HDAC9: variants seen among roughly 807,000 people sequenced by gnomAD.
HDAC9 encodes histone deacetylase 9.
In HDAC9, 41 loss-of-function variants were observed where a neutral mutation model predicts 139.4. The ratio of observed to expected loss-of-function variants is 0.29; its 90% CI spans 0.23 to 0.38. HDAC9 has a LOEUF of 0.38. Among genes scored for constraint, HDAC9 ranks in the 10% least tolerant of loss-of-function variants. The pLI, the probability that HDAC9 is intolerant of heterozygous loss-of-function variation, is 1.00. For synonymous variants in HDAC9, 517 were observed against 476.2 expected, an observed-to-expected ratio of 1.09 and a Z score of -1.12; for missense variants, 1,147 against 1,297.0, an observed-to-expected ratio of 0.88 and a Z score of 1.78.
chr7:18,954,428 T>C, intron 24 of HDAC9, 198 bp downstream of exon 24: 1 of 476,654 alleles, frequency 2.1e-6, no homozygotes, highest in Non-Finnish European at 3.6e-6. Context: ...ACTCTAGATT[T>C]AGAATCTTGT....
At chr7:18,237,220 T>C (rs1035285787) in intron 2 of HDAC9, among the ~76,000 whole-genome samples, 8 of 152,224 alleles carry the variant, frequency 5.3e-5, no homozygotes, top group Non-Finnish European at 1.2e-4. Context: ...TTTTTGTACA[T>C]GTAAGATTTG....
intron 8 of HDAC9, among the ~76,000 whole-genome samples, chr7:18,638,501 C>T (rs1027010939): frequency 1.3e-5 from 2 of 152,060 alleles, no homozygotes; most frequent in Non-Finnish European, 2.9e-5. Context: ...GCTACCTTGT[C>T]ATCATTGGTC....
chr7:18,545,168 G>C (rs1306358065), intron 2 of HDAC9, among the ~76,000 whole-genome samples: 1 of 152,180 alleles, frequency 6.6e-6, no homozygotes, highest in Non-Finnish European at 1.5e-5. Flanking sequence ...GGACATAGGA[G>C]TGCCGTAGGA....
chr7:18,644,547 G>A, intron 8 of HDAC9, 124 bp from the exon 9 acceptor site: 2 of 682,634 alleles, frequency 2.9e-6, no homozygotes, highest in East Asian at 3.2e-5. Context: ...GGATATAGAA[G>A]TCATAAAATA....
At chr7:18,835,212 C>T (rs1204623261) in intron 19 of HDAC9, among the ~76,000 whole-genome samples, 2 of 152,092 alleles carry the variant, frequency 1.3e-5, no homozygotes, top group Non-Finnish European at 2.9e-5. Flanking sequence ...CCAGGGCATG[C>T]TCGCTGTGGT....
upstream of HDAC9, among the ~76,000 whole-genome samples, chr7:18,493,892 G>A (rs1212538392): frequency 6.6e-6 from 1 of 151,846 alleles, no homozygotes; most frequent in Non-Finnish European, 1.5e-5. Flanking sequence ...TAGGCAACTC[G>A]CAGGTACCTT....
intron 3 of HDAC9, among the ~76,000 whole-genome samples, 158 bp from the exon 4 acceptor site, chr7:18,590,178 T>C (rs1464195399): frequency 6.6e-6 from 1 of 152,208 alleles, no homozygotes; most frequent in Non-Finnish European, 1.5e-5. Flanking sequence ...CTGCATTAGT[T>C]GCTTGTCCTT....
intron 24 of HDAC9, among the ~76,000 whole-genome samples, chr7:18,970,035 T>A (rs1453361831): frequency 6.6e-6 from 1 of 152,182 alleles, no homozygotes; most frequent in Non-Finnish European, 1.5e-5. Context: ...GTAGAGACTA[T>A]TTCTCAATGA....
At chr7:18,857,375 G>A (rs1797771314) in intron 21 of HDAC9, among the ~76,000 whole-genome samples, 1 of 150,668 alleles carries the variant, frequency 6.6e-6, no homozygotes, top group African/African-American at 2.4e-5. Flanking sequence ...ATGTATGTAT[G>A]TACTAGTTCC....
intron 22 of HDAC9, among the ~76,000 whole-genome samples, chr7:18,933,609 C>T (rs1255036837): frequency 6.7e-6 from 1 of 148,522 alleles, no homozygotes; most frequent in Non-Finnish European, 1.5e-5. Flanking sequence ...AATACAAGCT[C>T]AAAGTACTCC....
At chr7:18,585,155 G>T in intron 2 of HDAC9, 126 bp from the exon 3 acceptor site, 1 of 986,946 alleles carries the variant, frequency 1.0e-6, no homozygotes, top group Non-Finnish European at 1.5e-6. Flanking sequence ...GAAATGGCTA[G>T]AGTCATTGGC....
chr7:18,843,882 A>C (rs1796743206), intron 21 of HDAC9, among the ~76,000 whole-genome samples: 1 of 152,160 alleles, frequency 6.6e-6, no homozygotes, highest in Non-Finnish European at 1.5e-5. Context: ...TCCCACGTGG[A>C]GGAATCATAC....
intron 2 of HDAC9, among the ~76,000 whole-genome samples, chr7:18,541,436 C>T (rs1337950908): frequency 6.6e-6 from 1 of 152,146 alleles, no homozygotes; most frequent in Non-Finnish European, 1.5e-5. Flanking sequence ...AGTCCTTTCA[C>T]AAGGGGCTCC....
intron 16 of HDAC9, among the ~76,000 whole-genome samples, chr7:18,782,154 A>T (rs759913752): frequency 1.3e-5 from 2 of 152,096 alleles, no homozygotes; most frequent in African/African-American, 2.4e-5. Context: ...GCAAGACCTT[A>T]CTAAACTGCT....
At chr7:18,407,549 G>C (rs946190455) in intron 1 of HDAC9, among the ~76,000 whole-genome samples, 3 of 150,624 alleles carry the variant, frequency 2.0e-5, no homozygotes. Flanking sequence ...CACCAGGTAA[G>C]ATCTTGGATA....
chr7:18,223,623 T>A (rs1373888583), intron 2 of HDAC9, among the ~76,000 whole-genome samples: 5 of 152,158 alleles, frequency 3.3e-5, no homozygotes, highest in Non-Finnish European at 7.4e-5. Context: ...TCCTGTATTG[T>A]AGCCACTGTG....
At chr7:18,638,975 A>G (rs1784742847) in intron 8 of HDAC9, among the ~76,000 whole-genome samples, 1 of 152,008 alleles carries the variant, frequency 6.6e-6, no homozygotes, top group Non-Finnish European at 1.5e-5. Flanking sequence ...GGATATCAAC[A>G]CTATTACTTT....
intron 8 of HDAC9, among the ~76,000 whole-genome samples, chr7:18,640,992 T>C (rs145033680): frequency 6.6e-6 from 1 of 152,236 alleles, no homozygotes; most frequent in African/African-American, 2.4e-5. Flanking sequence ...TCAGCAGAAT[T>C]GCTGTACCAG....
At chr7:18,894,453 A>G (rs912832069) in intron 22 of HDAC9, among the ~76,000 whole-genome samples, 1 of 152,106 alleles carries the variant, frequency 6.6e-6, no homozygotes, top group Non-Finnish European at 1.5e-5. Context: ...AGCTCTATCA[A>G]ATGTCCTTAA....
Sources: allele counts gnomAD v4.1 joint callset (sites outside exome capture counted in the v4.1 genomes callset), GRCh38; gene constraint gnomAD v4.1.1; transcripts MANE v1.5; gene names NCBI Gene and HGNC (gene_info 2026-07-23, HGNC 2026-07-21).